The following SUGCT variants were observed in gnomAD, a reference collection of about 807,000 sequenced individuals.
SUGCT encodes the protein succinyl-CoA:glutarate CoA-transferase.
A neutral mutation model predicts 55.0 loss-of-function variants in SUGCT; 41 were observed. The observed-to-expected ratio is 0.74, with a 90% CI of 0.58 to 0.97. The LOEUF is 0.97. Ranked by LOEUF, SUGCT falls within the 50% of genes least tolerant of loss-of-function variation. SUGCT has a pLI of 0.00. For missense variants in SUGCT, 568 were observed against 547.8 expected (o/e 1.04, Z -0.37); for synonymous variants, 187 against 200.4 (o/e 0.93, Z 0.56).
chr7:40,302,298 A>T (rs1293224051), intron 8 of SUGCT, among the ~76,000 whole-genome samples: 1 of 151,632 alleles, frequency 6.6e-6, no homozygotes, highest in Admixed American at 6.6e-5. Context: ...TCCTTGGTTG[A>T]CTCCAGTGGT....
rs545034358 is a variant in SUGCT at position 40,684,019 on chromosome 7, G to A, written c.1090-65415G>A. ...AGAATTCAAATCCTTGTGGTTGTATGACTGAGGTCTCTGTTTTCTTTGCTG... is the reference window on the plus strand; with the variant it reads ...AGAATTCAAATCCTTGTGGTTGTATAACTGAGGTCTCTGTTTTCTTTGCTG... On this transcript the variant is annotated intron_variant, in intron 12 of 13. Transcript: ENST00000335693. The A allele has an allele frequency of 2.5e-6, 4 of 1,611,068 alleles. No homozygotes were observed. The East Asian group carries it at 8.9e-5, about 36-fold the overall frequency.
At chr7:40,740,546 T>C (rs1456809175) in intron 12 of SUGCT, among the ~76,000 whole-genome samples, 1 of 150,376 alleles carries the variant, frequency 6.6e-6, no homozygotes, top group East Asian at 1.9e-4. Context: ...TATTTTATTT[T>C]TAATTTTTAT....
intron 9 of SUGCT, among the ~76,000 whole-genome samples, chr7:40,431,998 G>A (rs555809268): frequency 5.3e-5 from 8 of 152,156 alleles, no homozygotes; most frequent in South Asian, 2.1e-4. Context: ...CCTCTGTTGT[G>A]ATGTGGATGT....
the SUGCT span, among the ~76,000 whole-genome samples, chr7:40,998,186 A>G: frequency 0.011 from 1,735 of 152,182 alleles, 29 homozygotes; most frequent in African/African-American, 0.039. Context: ...GGTCAACATG[A>G]TGAAACCCCC....
intron 9 of SUGCT, among the ~76,000 whole-genome samples, chr7:40,426,273 G>A (rs1383635529): frequency 6.6e-6 from 1 of 152,154 alleles, no homozygotes; most frequent in East Asian, 1.9e-4. Context: ...GAACCAACAA[G>A]GTAGATAATT....
At chr7:40,208,343 G>T (rs1021674652) in intron 6 of SUGCT, among the ~76,000 whole-genome samples, 18 of 152,020 alleles carry the variant, frequency 1.2e-4, no homozygotes, top group African/African-American at 3.4e-4. Flanking sequence ...TAATTTTTTT[G>T]TTATGTATAT....
the SUGCT span, among the ~76,000 whole-genome samples, chr7:41,018,452 G>T: frequency 6.6e-6 from 1 of 152,138 alleles, no homozygotes; most frequent in South Asian, 2.1e-4. Flanking sequence ...AATGAGAAAC[G>T]GATAGCCACC....
At chr7:40,279,215 T>G (rs933402048) in intron 8 of SUGCT, among the ~76,000 whole-genome samples, 1 of 152,112 alleles carries the variant, frequency 6.6e-6, no homozygotes, top group African/African-American at 2.4e-5. Context: ...CCATGAGAGA[T>G]AAAGGAAGTT....
chr7:40,384,787 C>T (rs974545879), intron 9 of SUGCT, among the ~76,000 whole-genome samples: 3 of 151,976 alleles, frequency 2.0e-5, no homozygotes, highest in East Asian at 1.9e-4. Flanking sequence ...TCAAGTGATC[C>T]GCGTGCCTTG....
chr7:40,629,380 CA>C (rs1799680064), intron 12 of SUGCT, among the ~76,000 whole-genome samples: 1 of 152,128 alleles, frequency 6.6e-6, no homozygotes, highest in Non-Finnish European at 1.5e-5. Flanking sequence ...GTCAGAGGGT[CA>C]GGGGAGACTC....
intron 6 of SUGCT, among the ~76,000 whole-genome samples, chr7:40,222,089 G>A (rs547799178): frequency 1.7e-4 from 26 of 152,360 alleles, no homozygotes; most frequent in South Asian, 4.1e-4. Context: ...TAGAGCCTGC[G>A]CAAGCAGGCA....
chr7:40,806,271 A>G lies in SUGCT; in HGVS notation c.1154-54045A>G, dbSNP rs949803129. Among the ~76,000 whole-genome samples the G allele has an allele frequency of 2.1e-3, 326 of 152,158 alleles. 1 individual carries two copies. Among genetic ancestry groups the G allele is most frequent in the African/African-American group, 7.5e-3 (312 of 41,512 alleles). Reference sequence around the variant, plus strand: ...GTAGCCCATTTCAGGGTTTTATCAAACCCTGACATGGGCAAGACTTACAGA... The same window carrying G: ...GTAGCCCATTTCAGGGTTTTATCAAGCCCTGACATGGGCAAGACTTACAGA... On this transcript the variant is annotated intron_variant, in intron 13 of 13. Coordinates refer to ENST00000335693, the MANE Select transcript of SUGCT (RefSeq NM_001193313.2).
intron 13 of SUGCT, among the ~76,000 whole-genome samples, chr7:40,795,957 A>G (rs557685043): frequency 2.9e-4 from 44 of 152,332 alleles, no homozygotes; most frequent in Admixed American, 1.8e-3. Context: ...ACTTGAAATA[A>G]TATAAATGAA....
At chr7:40,143,688 C>G (rs1157686914) in intron 1 of SUGCT, among the ~76,000 whole-genome samples, 1 of 152,222 alleles carries the variant, frequency 6.6e-6, no homozygotes, top group African/African-American at 2.4e-5. Flanking sequence ...TGTATGATAG[C>G]TATCTTGGTC....
intron 13 of SUGCT, among the ~76,000 whole-genome samples, chr7:40,800,679 T>C (rs1277041124): frequency 6.6e-6 from 1 of 152,160 alleles, no homozygotes; most frequent in African/African-American, 2.4e-5. Context: ...TACTGTAGAC[T>C]CAAGTTGCTT....
chr7:40,439,868 G>A (rs570980046), intron 9 of SUGCT, among the ~76,000 whole-genome samples: 23 of 152,214 alleles, frequency 1.5e-4, no homozygotes, highest in South Asian at 6.2e-4. Context: ...TATGGAGTCC[G>A]TGATTCATGT....
intron 1 of SUGCT, among the ~76,000 whole-genome samples, chr7:40,170,489 G>A (rs1460531904): frequency 6.6e-6 from 1 of 152,140 alleles, no homozygotes; most frequent in Non-Finnish European, 1.5e-5. Context: ...TTTTGCCTTA[G>A]GGGGAACATT....
intron 9 of SUGCT, among the ~76,000 whole-genome samples, chr7:40,429,611 A>G (rs1290641111): frequency 6.6e-6 from 1 of 152,192 alleles, no homozygotes; most frequent in Non-Finnish European, 1.5e-5. Context: ...GATGGAGGCC[A>G]GGAGACTCAG....
intron 12 of SUGCT, among the ~76,000 whole-genome samples, chr7:40,685,054 AC>A (rs781206272): frequency 1.3e-5 from 2 of 151,796 alleles, no homozygotes; most frequent in Non-Finnish European, 2.9e-5. Flanking sequence ...ATGGAGTTTT[AC>A]CATGTTGGTC....
Sources: gnomAD v4.1 joint callset for allele counts (sites outside exome capture counted in the v4.1 genomes callset) on GRCh38, gnomAD v4.1.1 for gene constraint, MANE v1.5 for transcripts, NCBI Gene and HGNC (gene_info 2026-07-23, HGNC 2026-07-21) for gene names.